SEMA4D: variants seen among roughly 807,000 people sequenced by gnomAD.
The protein encoded by SEMA4D is semaphorin-4D.
SEMA4D carries 22 observed loss-of-function variants against 74.8 expected under a neutral mutation model. The ratio of observed to expected loss-of-function variants is 0.29; its 90% CI spans 0.21 to 0.42. The LOEUF (loss-of-function observed/expected upper bound fraction) is 0.42. SEMA4D is among the 10% of genes least tolerant of loss of function. SEMA4D has a pLI of 1.00. For synonymous variants in SEMA4D, 445 were observed against 463.7 expected, an observed-to-expected ratio of 0.96 and a Z score of 0.52; for missense variants, 937 against 1,118.4, an observed-to-expected ratio of 0.84 and a Z score of 2.31.
intron 1 of SEMA4D, among the ~76,000 whole-genome samples, chr9:89,470,811 T>C (rs1859993317): frequency 6.6e-6 from 1 of 152,196 alleles, no homozygotes; most frequent in African/African-American, 2.4e-5. Flanking sequence ...GGCTATGTAC[T>C]GCGTGGTTCC....
intron 1 of SEMA4D, among the ~76,000 whole-genome samples, chr9:89,481,915 A>G (rs1824736713): frequency 6.6e-6 from 1 of 152,256 alleles, no homozygotes; most frequent in Admixed American, 6.5e-5. Context: ...TTCTGCAAAT[A>G]TCTCACTGCA....
At chr9:89,422,952 AC>A (rs1024689434) in intron 2 of SEMA4D, among the ~76,000 whole-genome samples, 2 of 152,040 alleles carry the variant, frequency 1.3e-5, no homozygotes, top group Non-Finnish European at 2.9e-5. Flanking sequence ...CATTTTAGAG[AC>A]TGTCAGCAAT....
intron 1 of SEMA4D, among the ~76,000 whole-genome samples, chr9:89,478,800 C>G (rs531396849): frequency 2.1e-5 from 3 of 143,656 alleles, no homozygotes; most frequent in South Asian, 4.9e-4. Context: ...CCCTTCCTTC[C>G]CCCTCCTTGG....
rs190401119 is a variant in SEMA4D, at chr9:89,425,424, G to T, written c.-243-19725C>A. Among the ~76,000 whole-genome samples, 7 of 152,366 alleles carry T rather than the reference G, an allele frequency of 4.6e-5. No individual in the cohort carries two copies. In the East Asian group the frequency reaches 1.2e-3, roughly 25 times the overall value. On this transcript the variant is annotated intron_variant, in intron 2 of 15. Transcript: ENST00000422704. Reference sequence around the variant, plus strand: ...ACACCCGCCATAAGGCAAGGGTGAGGAAGTGACTGTTCTACTGGGTTCTGC... The same window carrying T: ...ACACCCGCCATAAGGCAAGGGTGAGTAAGTGACTGTTCTACTGGGTTCTGC...
chr9:89,496,481 G>A (rs1272148311), intron 1 of SEMA4D, among the ~76,000 whole-genome samples: 4 of 152,136 alleles, frequency 2.6e-5, no homozygotes, highest in Admixed American at 6.5e-5. Flanking sequence ...AGTGTACCAC[G>A]TACACTCTTC....
intron 2 of SEMA4D, among the ~76,000 whole-genome samples, chr9:89,411,296 T>C (rs1028515417): frequency 5.8e-4 from 89 of 152,268 alleles, no homozygotes; most frequent in East Asian, 3.1e-3. Context: ...TGAATGGAAA[T>C]GTAACCAGAG....
intron 1 of SEMA4D, among the ~76,000 whole-genome samples, chr9:89,481,299 C>T (rs1388085046): frequency 6.6e-6 from 1 of 152,198 alleles, no homozygotes; most frequent in African/African-American, 2.4e-5. Flanking sequence ...GAGGCGGGGC[C>T]CATCAGCAAG....
chr9:89,369,980 GGTGTGT>G (rs750571039), intron 16 of SEMA4D, among the ~76,000 whole-genome samples: 1 of 151,852 alleles, frequency 6.6e-6, no homozygotes, highest in African/African-American at 2.4e-5. Context: ...TATGTGTGGT[GGTGTGT>G]GTGTAACAGT....
At chr9:89,366,602 T>C (rs993639705) in intron 16 of SEMA4D, among the ~76,000 whole-genome samples, 14 of 152,262 alleles carry the variant, frequency 9.2e-5, no homozygotes, top group African/African-American at 2.9e-4. Context: ...TCCATGTATC[T>C]ATCTACAAAT....
chr9:89,396,337 T>C (rs1423674494), intron 6 of SEMA4D, among the ~76,000 whole-genome samples: 1 of 152,188 alleles, frequency 6.6e-6, no homozygotes, highest in East Asian at 1.9e-4. Flanking sequence ...CTGTCTGTCC[T>C]TTCCAGCACG....
intron 1 of SEMA4D, among the ~76,000 whole-genome samples, chr9:89,464,859 CG>C (rs1487826845): frequency 1.3e-5 from 2 of 152,180 alleles, no homozygotes; most frequent in Non-Finnish European, 2.9e-5. Flanking sequence ...ACCCCCAGGG[CG>C]AGGGTCCTGC....
In SEMA4D at chr9:89,453,614, C is replaced by T. The variant is rs967533574; in HGVS notation, c.-244+2274G>A. 8.5e-5 allele frequency among the ~76,000 whole-genome samples: 13 copies of T among 152,354 alleles called. No homozygotes were observed. The South Asian group carries it at 2.1e-3, about 24-fold the overall frequency. ...CAATCTAAGCCAGGCCTCCCAGAAC[C>T]ATCTGGTCGCGGCCCTCGCTGGGTG... is the stretch of plus-strand genomic sequence containing the variant. On this transcript the variant is annotated intron_variant, in intron 2 of 15. Transcript: ENST00000422704.
In SEMA4D at chr9:89,476,817, C is replaced by T. The variant is rs141895211; in HGVS notation, c.-309-20864G>A. 8.6e-4 allele frequency among the ~76,000 whole-genome samples: 131 copies of T among 152,316 alleles called. 1 individual carries two copies. The highest frequency in any genetic ancestry group is 3.1e-3 in the African/African-American group (127 of 41,560). ...ATCCCCACTTCGGAGCAGAACCTGA[C>T]TGCGGAAGGAAGCCCCCATGACCAC... is the stretch of plus-strand genomic sequence containing the variant. On this transcript the variant is annotated intron_variant, in intron 1 of 15. Transcript: ENST00000422704.
chr9:89,379,831 T>C (rs1486719908), intron 15 of SEMA4D, among the ~76,000 whole-genome samples: 1 of 151,926 alleles, frequency 6.6e-6, no homozygotes, highest in African/African-American at 2.4e-5. Flanking sequence ...GACAAAGAAA[T>C]TGGAGGCAGC....
chr9:89,486,871 T>C (rs147074617), intron 1 of SEMA4D, among the ~76,000 whole-genome samples: 13 of 152,196 alleles, frequency 8.5e-5, no homozygotes, highest in African/African-American at 3.1e-4. Context: ...TGAGCTATGA[T>C]TGTACCACTG....
chr9:89,428,028 G>T (rs533290469), intron 2 of SEMA4D, among the ~76,000 whole-genome samples: 1 of 152,330 alleles, frequency 6.6e-6, no homozygotes, highest in Admixed American at 6.5e-5. Flanking sequence ...GCCCTGAGGG[G>T]TGGACTCTGC....
intron 1 of SEMA4D, among the ~76,000 whole-genome samples, chr9:89,470,813 C>T (rs1859994275): frequency 1.3e-5 from 2 of 152,144 alleles, no homozygotes; most frequent in Non-Finnish European, 2.9e-5. Flanking sequence ...CTATGTACTG[C>T]GTGGTTCCAT....
chr9:89,420,910 C>T (rs1310493763), intron 2 of SEMA4D, among the ~76,000 whole-genome samples: 1 of 152,196 alleles, frequency 6.6e-6, no homozygotes, highest in Non-Finnish European at 1.5e-5. Context: ...TCCTAGGTGC[C>T]CGATGCTGTT....
chr9:89,385,916 AC>A, intron 13 of SEMA4D: 9 of 872,630 alleles, frequency 1.0e-5, no homozygotes, highest in Non-Finnish European at 1.2e-5. Flanking sequence ...TGCAGGCCAG[AC>A]CAGAGTCTCA....
Sources: allele counts gnomAD v4.1 joint callset (sites outside exome capture counted in the v4.1 genomes callset), GRCh38; gene constraint gnomAD v4.1.1; transcripts MANE v1.5; gene names NCBI Gene and HGNC (gene_info 2026-07-23, HGNC 2026-07-21).